Variants in NTRK3 observed in about 807,000 individuals in gnomAD.
The protein encoded by NTRK3 is NT-3 growth factor receptor.
A neutral mutation model predicts 91.7 loss-of-function variants in NTRK3; 24 were observed. The ratio of observed to expected loss-of-function variants is 0.26; its 90% confidence interval spans 0.19 to 0.37. The LOEUF is 0.37. NTRK3 is among the 10% of genes least tolerant of loss of function. The probability of loss-of-function intolerance (pLI) is 1.00; values close to 1 mark genes in which losing one functional copy is unlikely to be tolerated. For missense variants in NTRK3, 880 were observed against 1,068.9 expected, an observed-to-expected ratio of 0.82 and a Z score of 2.46; for synonymous variants, 483 against 404.0, an observed-to-expected ratio of 1.20 and a Z score of -2.34.
intron 14 of NTRK3, among the ~76,000 whole-genome samples, chr15:87,988,221 C>A (rs1403786718): frequency 6.6e-6 from 1 of 152,188 alleles, no homozygotes; most frequent in African/African-American, 2.4e-5. Flanking sequence ...AATATCCCAA[C>A]TGACAGCCAA....
At chr15:88,176,132 C>CTTT (rs1567586337) in intron 5 of NTRK3, among the ~76,000 whole-genome samples, 1 of 136,272 alleles carries the variant, frequency 7.3e-6, no homozygotes, top group African/African-American at 3.1e-5. Flanking sequence ...CCTATATGCC[C>CTTT]CTTCTTTTTT....
intron 14 of NTRK3, among the ~76,000 whole-genome samples, chr15:88,004,755 G>C (rs1258810227): frequency 6.6e-6 from 1 of 152,094 alleles, no homozygotes; most frequent in Non-Finnish European, 1.5e-5. Flanking sequence ...AAACTTAAAA[G>C]CTCTGTGAGA....
chr15:88,177,822 A>G (rs1044892970), intron 5 of NTRK3, among the ~76,000 whole-genome samples: 5 of 152,236 alleles, frequency 3.3e-5, no homozygotes, highest in Non-Finnish European at 4.4e-5. Flanking sequence ...GGAAATCTTT[A>G]ATAGCAAAAA....
At chr15:87,920,640 G>A (rs569608201) in intron 17 of NTRK3, among the ~76,000 whole-genome samples, 1 of 152,330 alleles carries the variant, frequency 6.6e-6, no homozygotes, top group African/African-American at 2.4e-5. Context: ...ATTCTTGTAA[G>A]AATCTGGAGT....
At chr15:87,883,133 AT>A (rs2065343047) in intron 17 of NTRK3, among the ~76,000 whole-genome samples, 1 of 151,326 alleles carries the variant, frequency 6.6e-6, no homozygotes, top group Non-Finnish European at 1.5e-5. Context: ...ATATATGCAT[AT>A]ACAGATATAT....
intron 15 of NTRK3, among the ~76,000 whole-genome samples, chr15:87,933,408 C>T (rs2068977676): frequency 6.6e-6 from 1 of 152,250 alleles, no homozygotes; most frequent in African/African-American, 2.4e-5. Context: ...CTGACATCCA[C>T]ATCCCGTGCA....
intron 9 of NTRK3, 46 bp downstream of exon 9, chr15:88,135,852 CA>C (rs1338953490): frequency 6.2e-7 from 1 of 1,610,058 alleles, no homozygotes; most frequent in Non-Finnish European, 8.5e-7. Context: ...CCTCCTATGC[CA>C]GTTGCCCCTC....
intron 17 of NTRK3, among the ~76,000 whole-genome samples, chr15:87,902,291 T>C (rs2066502940): frequency 6.6e-6 from 1 of 152,248 alleles, no homozygotes; most frequent in African/African-American, 2.4e-5. Flanking sequence ...ATGGCACTGA[T>C]AATTTCTCAC....
intron 5 of NTRK3, among the ~76,000 whole-genome samples, chr15:88,164,961 C>T (rs1416096877): frequency 6.6e-6 from 1 of 152,192 alleles, no homozygotes; most frequent in South Asian, 2.1e-4. Context: ...CATAGACTCA[C>T]TCAAGGAAGA....
chr15:88,206,583 G>A (rs1236558537), intron 3 of NTRK3, among the ~76,000 whole-genome samples: 2 of 151,224 alleles, frequency 1.3e-5, no homozygotes, highest in Admixed American at 6.6e-5. Context: ...GCGCGAACCC[G>A]GGAGGCGGAG....
chr15:88,190,387 T>C (rs570686816), intron 3 of NTRK3, among the ~76,000 whole-genome samples: 2 of 152,242 alleles, frequency 1.3e-5, no homozygotes, highest in East Asian at 3.8e-4. Flanking sequence ...TACATTTTCT[T>C]GATGACCTTA....
intron 13 of NTRK3, among the ~76,000 whole-genome samples, chr15:88,102,706 T>C (rs372932913): frequency 4.6e-5 from 7 of 152,166 alleles, no homozygotes; most frequent in African/African-American, 1.7e-4. Context: ...CCCAAAAGAA[T>C]GTGCCATCCC....
At chr15:88,094,614 C>G (rs1460310258) in intron 13 of NTRK3, among the ~76,000 whole-genome samples, 4 of 151,982 alleles carry the variant, frequency 2.6e-5, no homozygotes, top group South Asian at 2.1e-4. Context: ...AAATACTCAG[C>G]CTTCTTGGGA....
chr15:87,952,921 G>A (rs147851591), intron 14 of NTRK3, among the ~76,000 whole-genome samples: 2,560 of 152,122 alleles, frequency 0.017, 36 homozygotes, highest in Non-Finnish European at 0.024. Context: ...CAAGGTCGGA[G>A]GCCAGGGCCT....
intron 14 of NTRK3, among the ~76,000 whole-genome samples, chr15:88,010,753 C>G (rs931657249): frequency 4.6e-5 from 7 of 151,248 alleles, no homozygotes; most frequent in Admixed American, 4.6e-4. Flanking sequence ...CACACCCACA[C>G]ACACACACAC....
intron 3 of NTRK3, among the ~76,000 whole-genome samples, chr15:88,188,776 G>A (rs1170433093): frequency 6.6e-6 from 1 of 152,190 alleles, no homozygotes; most frequent in Admixed American, 6.5e-5. Context: ...CTGGACCGTG[G>A]CCCAAGCCAG....
At chr15:87,930,537 C>CA (rs1344450378) in intron 16 of NTRK3, among the ~76,000 whole-genome samples, 2 of 152,162 alleles carry the variant, frequency 1.3e-5, no homozygotes, top group African/African-American at 4.8e-5. Context: ...GAAGAGGGGT[C>CA]AGCAGAGAAG....
chr15:87,958,333 C>T (rs146840615), intron 14 of NTRK3, among the ~76,000 whole-genome samples: 25 of 152,202 alleles, frequency 1.6e-4, no homozygotes, highest in East Asian at 1.4e-3. Flanking sequence ...ATCCTTAGGA[C>T]GGAATGTCTA....
intron 14 of NTRK3, among the ~76,000 whole-genome samples, chr15:87,967,730 C>G (rs2072912210): frequency 6.6e-6 from 1 of 152,182 alleles, no homozygotes; most frequent in Non-Finnish European, 1.5e-5. Context: ...AAGCAAACAG[C>G]CCCCACTCTG....
Sources: gnomAD v4.1 joint callset for allele counts (sites outside exome capture counted in the v4.1 genomes callset) on GRCh38, gnomAD v4.1.1 for gene constraint, MANE v1.5 for transcripts, NCBI Gene and HGNC (gene_info 2026-07-23, HGNC 2026-07-21) for gene names.